The following ASIC2 variants were observed in gnomAD, a reference collection of about 807,000 sequenced individuals.
ASIC2 encodes acid-sensing ion channel 2.
ASIC2 carries 25 observed loss-of-function variants against 57.3 expected under a neutral mutation model. The observed-to-expected ratio is 0.44, with a 90% confidence interval of 0.32 to 0.61. ASIC2 has a LOEUF of 0.61. ASIC2 is among the 20% of genes least tolerant of loss of function. The pLI, the probability that ASIC2 is intolerant of heterozygous loss-of-function variation, is 0.06. For synonymous variants in ASIC2, 319 were observed against 307.5 expected (o/e 1.04, Z -0.39); for missense variants, 641 against 738.1 (o/e 0.87, Z 1.52).
chr17:33,207,616 A>G (rs1179446797), intron 1 of ASIC2, among the ~76,000 whole-genome samples: 1 of 152,204 alleles, frequency 6.6e-6, no homozygotes, highest in Non-Finnish European at 1.5e-5. Context: ...AGATGCTTTC[A>G]GTGTCCTGCC....
intron 1 of ASIC2, among the ~76,000 whole-genome samples, chr17:33,161,054 G>T (rs1478412275): frequency 4.6e-5 from 7 of 152,318 alleles, no homozygotes; most frequent in East Asian, 3.9e-4. Context: ...CTCAACACAA[G>T]CTTAGAATAC....
rs147447640 is a variant in ASIC2, at chr17:33,161,206, C to A, written c.709-49139G>T. ...GCTAACATGCATACCTTAGTCTTTC[C>A]TGCTGGAGTGAGTAAGAGGACTAAG... On this transcript the variant is annotated intron_variant, in intron 1 of 9. Coordinates refer to ENST00000225823, the MANE Select transcript of ASIC2 (RefSeq NM_183377.2). Among the ~76,000 whole-genome samples the A allele has an allele frequency of 4.5e-3, 686 of 152,306 alleles. 4 individuals carry two copies. The highest frequency in any genetic ancestry group is 0.016 in the African/African-American group (646 of 41,564).
At chr17:34,043,550 G>A (rs1050338540) in intron 1 of ASIC2, among the ~76,000 whole-genome samples, 5 of 152,178 alleles carry the variant, frequency 3.3e-5, no homozygotes, top group African/African-American at 1.2e-4. Context: ...CATTTGTTTA[G>A]TGCTTTAGAA....
chr17:33,696,470 A>C (rs1908532028), intron 1 of ASIC2, among the ~76,000 whole-genome samples: 1 of 152,164 alleles, frequency 6.6e-6, no homozygotes, highest in Non-Finnish European at 1.5e-5. Context: ...TACATATATG[A>C]GGGGAAAGCA....
intron 1 of ASIC2, among the ~76,000 whole-genome samples, chr17:33,492,335 G>A (rs771775323): frequency 4.6e-5 from 7 of 152,188 alleles, no homozygotes; most frequent in Non-Finnish European, 1.0e-4. Context: ...ACAAGTTGTG[G>A]TGCCTTCATC....
intron 1 of ASIC2, among the ~76,000 whole-genome samples, chr17:33,631,659 T>C (rs1906174874): frequency 6.6e-6 from 1 of 151,944 alleles, no homozygotes; most frequent in African/African-American, 2.4e-5. Flanking sequence ...GTTAAAGGCA[T>C]TGGGGGTGGT....
chr17:33,555,076 T>C (rs572529534), intron 1 of ASIC2, among the ~76,000 whole-genome samples: 96 of 152,298 alleles, frequency 6.3e-4, no homozygotes, highest in African/African-American at 2.2e-3. Flanking sequence ...CCAATGTCTA[T>C]GTCTCAAATG....
At chr17:33,778,475 C>A (rs1911351251) in intron 1 of ASIC2, among the ~76,000 whole-genome samples, 1 of 152,146 alleles carries the variant, frequency 6.6e-6, no homozygotes, top group South Asian at 2.1e-4. Flanking sequence ...ACCCTCAAAT[C>A]CCATTATCCA....
chr17:33,033,531 C>T (rs542170924), intron 3 of ASIC2, among the ~76,000 whole-genome samples: 1 of 152,342 alleles, frequency 6.6e-6, no homozygotes, highest in Admixed American at 6.5e-5. Context: ...GCAGCCTGCA[C>T]CCTCAGTGGC....
At chr17:33,606,910 C>G (rs184356368) in intron 1 of ASIC2, among the ~76,000 whole-genome samples, 1 of 152,292 alleles carries the variant, frequency 6.6e-6, no homozygotes, top group Admixed American at 6.5e-5. Context: ...CACAGTGCCT[C>G]CTAGGCTCAT....
intron 1 of ASIC2, among the ~76,000 whole-genome samples, chr17:33,994,925 G>C (rs1443963219): frequency 1.3e-5 from 2 of 152,100 alleles, no homozygotes; most frequent in South Asian, 2.1e-4. Flanking sequence ...TTCAAATATT[G>C]CTCTCTCAAG....
intron 1 of ASIC2, among the ~76,000 whole-genome samples, chr17:33,209,926 A>G (rs1470621895): frequency 6.6e-6 from 1 of 152,142 alleles, no homozygotes; most frequent in Non-Finnish European, 1.5e-5. Context: ...CCCATAAACT[A>G]TGTCCAAATA....
chr17:33,034,091 T>G (rs561970272), intron 3 of ASIC2, among the ~76,000 whole-genome samples: 1 of 152,172 alleles, frequency 6.6e-6, no homozygotes, highest in African/African-American at 2.4e-5. Context: ...TGCTGAGAGC[T>G]GAGCACTCGA....
At chr17:34,090,192 T>C (rs1164180445) in intron 1 of ASIC2, among the ~76,000 whole-genome samples, 5 of 152,202 alleles carry the variant, frequency 3.3e-5, no homozygotes, top group African/African-American at 7.2e-5. Context: ...TGGAGCTCCC[T>C]TGTATGGCAA....
chr17:34,038,150 T>C (rs539074931), intron 1 of ASIC2: 25 of 1,612,888 alleles, frequency 1.6e-5, no homozygotes, highest in Middle Eastern at 1.7e-4. Context: ...TAAAAGAATA[T>C]TACCTGGTTT....
At chr17:33,184,858 G>A (rs55931819) in intron 1 of ASIC2, among the ~76,000 whole-genome samples, 15,076 of 152,150 alleles carry the variant, frequency 0.099, 960 homozygotes, top group Admixed American at 0.15. Context: ...ACCCCAGTAA[G>A]TAGTATAGAT....
At chr17:33,510,468 A>G (rs1217766754) in intron 1 of ASIC2, among the ~76,000 whole-genome samples, 1 of 151,526 alleles carries the variant, frequency 6.6e-6, no homozygotes. Context: ...GTATAGTGAG[A>G]CCCCATCTCT....
intron 1 of ASIC2, among the ~76,000 whole-genome samples, chr17:33,392,182 C>A (rs771582603): frequency 7.6e-5 from 1 of 13,236 alleles, no homozygotes; most frequent in Admixed American, 6.7e-4. Context: ...TTCCTTCCTT[C>A]CTTCCTTCCT....
chr17:33,740,400 T>G (rs1459646336), intron 1 of ASIC2, among the ~76,000 whole-genome samples: 1 of 152,162 alleles, frequency 6.6e-6, no homozygotes, highest in Non-Finnish European at 1.5e-5. Context: ...CATGTTCTTC[T>G]TCATATGGCA....
Sources: gnomAD v4.1 joint callset for allele counts (sites outside exome capture counted in the v4.1 genomes callset) on GRCh38, gnomAD v4.1.1 for gene constraint, MANE v1.5 for transcripts, NCBI Gene and HGNC (gene_info 2026-07-23, HGNC 2026-07-21) for gene names.